The following OR52N2 variants were observed in gnomAD, a reference collection of about 807,000 sequenced individuals.
OR52N2 encodes olfactory receptor 52N2.
For synonymous variants in OR52N2, 129 were observed against 72.0 expected, an observed-to-expected ratio of 1.79 and a Z score of -4.01; for missense variants, 326 against 196.6, an observed-to-expected ratio of 1.66 and a Z score of -3.94.
chr11:5,821,343 T>G lies in OR52N2; in HGVS notation c.*42T>G, dbSNP rs770336600. 1 of 702,286 alleles carries G rather than the reference T, an allele frequency of 1.4e-6. No homozygotes were observed. Among genetic ancestry groups the G allele is most frequent in the Admixed American group, 2.1e-5 (1 of 47,098 alleles). 43.5% of individuals were successfully genotyped at this position (702,286 alleles called of 1,614,324 possible). ...ATTGTTTCAGGTGGTGAGAAAATAATGGAGACAAAATTTCATAAAAGATGT... is the reference window on the plus strand; with the variant it reads ...ATTGTTTCAGGTGGTGAGAAAATAAGGGAGACAAAATTTCATAAAAGATGT... On this transcript the variant is annotated 3_prime_UTR_variant, in exon 2 of 2. Coordinates refer to ENST00000317037, the MANE Select transcript of OR52N2 (RefSeq NM_001005174.3).
At chr11:5,820,119 G>A (rs1325493684) in intron 1 of OR52N2, among the ~76,000 whole-genome samples, 163 bp from the exon 2 acceptor site, 1 of 152,072 alleles carries the variant, frequency 6.6e-6, no homozygotes, top group Admixed American at 6.5e-5. Context: ...AGACTGTACT[G>A]CTTAGTGACT....
chr11:5,812,005 T>C (rs983633689), intron 1 of OR52N2, among the ~76,000 whole-genome samples: 2 of 151,990 alleles, frequency 1.3e-5, no homozygotes, highest in Admixed American at 1.3e-4. Flanking sequence ...TTCTCACTCA[T>C]AAGTGGGAAT....
Position 5,820,854 on chromosome 11 carries a change from G to A in OR52N2, c.519G>A (p.Gly173=), listed in dbSNP as rs375783772. Residue 173 remains glycine (G), a synonymous_variant, in exon 2 of 2, where the codon GGG becomes GGA. Coordinates refer to ENST00000317037, the MANE Select transcript of OR52N2 (RefSeq NM_001005174.3). ...LLTKRLPYCR[G]NFIPHTYCDH... is the part of the protein sequence containing the mutation. ...CCAAGCGCCTGCCCTATTGCCGGGGGAACTTCATCCCCCACACCTACTGTG... is the reference window on the plus strand; with the variant it reads ...CCAAGCGCCTGCCCTATTGCCGGGGAAACTTCATCCCCCACACCTACTGTG... 12 of 780,762 alleles carry A rather than the reference G, an allele frequency of 1.5e-5. No individual in the cohort carries two copies. Among genetic ancestry groups the A allele is most frequent in the East Asian group, 4.8e-5 (2 of 41,248 alleles). 48.4% of individuals were successfully genotyped at this position (780,762 alleles called of 1,614,324 possible).
intron 1 of OR52N2, among the ~76,000 whole-genome samples, chr11:5,811,355 TA>T (rs1409930181): frequency 6.6e-6 from 1 of 151,982 alleles, no homozygotes; most frequent in African/African-American, 2.4e-5. Flanking sequence ...AAAATTAATT[TA>T]AAAAATAGAC....
chr11:5,818,115 G>A (rs1256701899), intron 1 of OR52N2, among the ~76,000 whole-genome samples: 1 of 151,540 alleles, frequency 6.6e-6, no homozygotes, highest in Non-Finnish European at 1.5e-5. Context: ...CTTTTTAGAG[G>A]GCTTATTCCT....
intron 1 of OR52N2, among the ~76,000 whole-genome samples, chr11:5,811,846 C>A (rs779451529): frequency 6.6e-6 from 1 of 152,180 alleles, no homozygotes; most frequent in Non-Finnish European, 1.5e-5. Context: ...TCTAAAGACA[C>A]ACACACAGGT....
chr11:5,820,162 T>C (rs909963306), intron 1 of OR52N2, among the ~76,000 whole-genome samples, 120 bp from the exon 2 acceptor site: 1 of 152,176 alleles, frequency 6.6e-6, no homozygotes, highest in Non-Finnish European at 1.5e-5. Flanking sequence ...TTTCTTGCTA[T>C]AGTTGGAAGA....
At chr11:5,811,412 A>C (rs1846359975) in intron 1 of OR52N2, among the ~76,000 whole-genome samples, 1 of 152,176 alleles carries the variant, frequency 6.6e-6, no homozygotes, top group Non-Finnish European at 1.5e-5. Flanking sequence ...AAAGAAGTAA[A>C]TGTGACATCA....
chr11:5,816,975 T>C (rs1846409672), intron 1 of OR52N2, among the ~76,000 whole-genome samples: 1 of 152,240 alleles, frequency 6.6e-6, no homozygotes, highest in South Asian at 2.1e-4. Context: ...TTCTATTGTT[T>C]TATAAACACA....
In OR52N2 at chr11:5,820,503, C is replaced by T; in HGVS notation, c.168C>T (p.Ala56=). 1 of 778,162 alleles carries T rather than the reference C, an allele frequency of 1.3e-6. No individual in the cohort carries two copies. The allele number at this position is 778,162 out of a possible 1,614,324, so 48.2% of individuals were successfully genotyped here. A position where few individuals can be genotyped will look rare whatever the true frequency, so the allele number is the denominator to read the frequency against. Residue 56 remains alanine (A), a synonymous_variant, in exon 2 of 2, where the codon GCC becomes GCT. Transcript: ENST00000317037. ...TCTGCCTCATCAGCCATGAGGAGGC[C>T]CTGCACCGGCCCATGTACTACTTCC... ...GLICLISHEE[A]LHRPMYYFLA...
At position 5,820,627 on chromosome 11, in the gene OR52N2, G is replaced by T. The variant is rs772436441; in HGVS notation, c.292G>T (p.Ala98Ser). Residue 98 changes from alanine (A) to serine (S), a missense_variant, in exon 2 of 2, where the codon GCC (alanine) becomes TCC (serine). Physicochemically the swap from Ala to Ser is moderately conservative, Grantham distance 99. Coordinates refer to ENST00000317037, the MANE Select transcript of OR52N2 (RefSeq NM_001005174.3). The stretch of plus-strand genomic sequence containing the variant: ...CAACCTCAAGGAGATTGACTTTAAC[G>T]CCTGCCTGGCCCAGATGTTTTTTGT... ...WFNLKEIDFN[A>S]CLAQMFFVHM... is the part of the protein sequence containing the mutation. 1 of 784,132 alleles carries T rather than the reference G, an allele frequency of 1.3e-6. No individual in the cohort carries two copies. The allele number at this position is 784,132 out of a possible 1,614,324, so 48.6% of individuals were successfully genotyped here. A position where few individuals can be genotyped will look rare whatever the true frequency, so the allele number is the denominator to read the frequency against.
rs1846454073 is a variant in OR52N2, at chr11:5,821,415, A to G, written c.*114A>G. On this transcript the variant is annotated 3_prime_UTR_variant, in exon 2 of 2. Coordinates refer to ENST00000317037, the MANE Select transcript of OR52N2 (RefSeq NM_001005174.3). ...ATGACATGTAATTTACCCATGTAAC[A>G]AACTTGCACGTGTACCTAAAATAAA... The G allele has an allele frequency of 3.2e-6, 2 of 624,002 alleles. No homozygotes were observed. Among genetic ancestry groups the G allele is most frequent in the Non-Finnish European group, 5.7e-6 (2 of 350,328 alleles). 38.7% of individuals were successfully genotyped at this position (624,002 alleles called of 1,614,324 possible). A position where few individuals can be genotyped will look rare whatever the true frequency, so the allele number is the denominator to read the frequency against.
chr11:5,820,733 G>A lies in OR52N2; in HGVS notation c.398G>A (p.Arg133His), dbSNP rs147573020. 6.4e-6 allele frequency: 5 copies of A among 783,120 alleles called. No homozygotes were observed. Among genetic ancestry groups the A allele is most frequent in the East Asian group, 2.4e-5 (1 of 41,246 alleles). The allele number at this position is 783,120 out of a possible 1,614,324, so 48.5% of individuals were successfully genotyped here. A position where few individuals can be genotyped will look rare whatever the true frequency, so the allele number is the denominator to read the frequency against. Residue 133 changes from arginine (R) to histidine (H), a missense_variant, in exon 2 of 2, where the codon CGC becomes CAC. By Grantham distance (29) the Arg-to-His change is conservative (BLOSUM62 0). Coordinates refer to ENST00000317037, the MANE Select transcript of OR52N2 (RefSeq NM_001005174.3). ...DRYVAICYPL[R>H]YATILTNPVI... is the part of the protein sequence containing the mutation. Reference sequence around the variant, plus strand: ...TATGTGGCCATCTGCTACCCCTTACGCTATGCCACCATCCTTACCAACCCT... The same window carrying A: ...TATGTGGCCATCTGCTACCCCTTACACTATGCCACCATCCTTACCAACCCT...
intron 1 of OR52N2, among the ~76,000 whole-genome samples, chr11:5,816,801 C>T (rs1846408440): frequency 6.6e-6 from 1 of 152,126 alleles, no homozygotes; most frequent in South Asian, 2.1e-4. Flanking sequence ...TAGGTGTGAG[C>T]CACTGCGCCT....
intron 1 of OR52N2, among the ~76,000 whole-genome samples, chr11:5,819,408 A>G (rs564610347): frequency 3.3e-5 from 5 of 152,324 alleles, no homozygotes; most frequent in African/African-American, 1.2e-4. Flanking sequence ...CAAACAGTCA[A>G]TAATCCCAGA....
rs951853218 is a variant in OR52N2 at position 5,821,029 on chromosome 11, T to C, written c.694T>C (p.Ser232Pro). 9.0e-6 allele frequency: 7 copies of C among 780,916 alleles called. No homozygotes were observed. Among genetic ancestry groups the C allele is most frequent in the Non-Finnish European group, 1.7e-5 (7 of 418,102 alleles). The allele number at this position is 780,916 out of a possible 1,614,324, so 48.4% of individuals were successfully genotyped here. A position where few individuals can be genotyped will look rare whatever the true frequency, so the allele number is the denominator to read the frequency against. Residue 232 changes from serine (S) to proline (P), a missense_variant, in exon 2 of 2, where the codon TCA (serine) becomes CCA (proline). Physicochemically the swap from Ser to Pro is moderately conservative, Grantham distance 74. Transcript: ENST00000317037. Reference protein sequence around the residue: ...MILQAVMSLSSADARHKAFST... With the variant: ...MILQAVMSLSPADARHKAFST... Reference sequence around the variant, plus strand: ...TTTGCAGGCTGTTATGAGCCTGTCATCAGCAGATGCTCGTCACAAAGCCTT... The same window carrying C: ...TTTGCAGGCTGTTATGAGCCTGTCACCAGCAGATGCTCGTCACAAAGCCTT...
At chr11:5,811,993 T>C (rs893082939) in intron 1 of OR52N2, among the ~76,000 whole-genome samples, 4 of 152,144 alleles carry the variant, frequency 2.6e-5, no homozygotes, top group African/African-American at 4.8e-5. Flanking sequence ...AAACACTGCA[T>C]GTTCTCACTC....
At chr11:5,818,774 G>A (rs10769250) in intron 1 of OR52N2, among the ~76,000 whole-genome samples, 75,540 of 151,910 alleles carry the variant, frequency 0.5, 19,335 homozygotes, top group Non-Finnish European at 0.56. Context: ...TCAATGTGGT[G>A]TACACATAAA....
At chr11:5,814,556 T>C (rs910117948) in intron 1 of OR52N2, among the ~76,000 whole-genome samples, 15 of 152,098 alleles carry the variant, frequency 9.9e-5, no homozygotes, top group African/African-American at 3.6e-4. Context: ...CTGTAAAATA[T>C]TGCCGAAATA....
Sources: gnomAD v4.1 joint callset for allele counts (sites outside exome capture counted in the v4.1 genomes callset) on GRCh38, gnomAD v4.1.1 for gene constraint, MANE v1.5 for transcripts, NCBI Gene and HGNC (gene_info 2026-07-23, HGNC 2026-07-21) for gene names.